GRID2: variants seen among roughly 807,000 people sequenced by gnomAD.
GRID2 encodes glutamate ionotropic receptor delta type subunit 2, also known as glutamate receptor ionotropic, delta-2.
Under a neutral mutation model 114.8 loss-of-function variants are expected in GRID2, and 33 were observed. The observed-to-expected ratio is 0.29, with a 90% confidence interval of 0.22 to 0.38. The LOEUF (loss-of-function observed/expected upper bound fraction) is 0.38, where lower values mean the gene tolerates loss of function less well. GRID2 is among the 10% of genes least tolerant of loss of function. The pLI is 1.00. For missense variants in GRID2, 1,184 were observed against 1,257.7 expected, an observed-to-expected ratio of 0.94 and a Z score of 0.89; for synonymous variants, 505 against 449.9, an observed-to-expected ratio of 1.12 and a Z score of -1.55.
At position 93,069,099 on chromosome 4, in the gene GRID2, A is replaced by T. The variant is rs1216998459; in HGVS notation, c.245-15896A>T. 2.6e-5 allele frequency among the ~76,000 whole-genome samples: 4 copies of T among 152,030 alleles called. No homozygotes were observed. In the East Asian group the frequency reaches 7.8e-4, roughly 30 times the overall value. On this transcript the variant is annotated intron_variant, in intron 2 of 15. Coordinates refer to ENST00000282020, the MANE Select transcript of GRID2 (RefSeq NM_001510.4). ...ACAAGGACAGTATCGGGGGGCTGGT[A>T]CTAACCCATTCATGAGAAGCCACCA...
At chr4:92,955,623 A>G (rs1415525707) in intron 2 of GRID2, among the ~76,000 whole-genome samples, 5 of 152,108 alleles carry the variant, frequency 3.3e-5, no homozygotes, top group Non-Finnish European at 7.3e-5. Flanking sequence ...TAGTTTAATT[A>G]GACCCCATTT....
At chr4:93,255,446 T>C (rs1189068618) in intron 8 of GRID2, among the ~76,000 whole-genome samples, 1 of 152,146 alleles carries the variant, frequency 6.6e-6, no homozygotes, top group Non-Finnish European at 1.5e-5. Context: ...GTTTTGTTTT[T>C]GTTTTTCATG....
Position 92,385,908 on chromosome 4 carries a change from A to G in GRID2, c.88+81164A>G, listed in dbSNP as rs572297982. On this transcript the variant is annotated intron_variant, in intron 1 of 15. Coordinates refer to ENST00000282020, the MANE Select transcript of GRID2 (RefSeq NM_001510.4). ...TGTGTGTGTGTGTGTGTGTATATAT[A>G]TATATATATATATATATGAAATACA... 3.7e-3 allele frequency among the ~76,000 whole-genome samples: 548 copies of G among 147,976 alleles called. 2 individuals carry two copies. The highest frequency in any genetic ancestry group is 0.012 in the African/African-American group (506 of 40,626).
intron 1 of GRID2, among the ~76,000 whole-genome samples, chr4:92,432,215 C>G (rs1481437738): frequency 6.6e-6 from 1 of 152,092 alleles, no homozygotes; most frequent in Non-Finnish European, 1.5e-5. Context: ...AGTATTGGGT[C>G]TCTCCTAAGG....
chr4:92,920,771 AC>A (rs1341181657), intron 2 of GRID2, among the ~76,000 whole-genome samples: 1 of 152,026 alleles, frequency 6.6e-6, no homozygotes, highest in African/African-American at 2.4e-5. Flanking sequence ...CTCTCTGGCT[AC>A]CCTTAACATT....
intron 2 of GRID2, among the ~76,000 whole-genome samples, chr4:92,734,849 G>C (rs1306793308): frequency 1.3e-5 from 2 of 149,892 alleles, no homozygotes; most frequent in African/African-American, 4.9e-5. Context: ...TGCAATCATG[G>C]CTCAGTGCAG....
At chr4:92,694,761 A>G (rs1448679037) in intron 2 of GRID2, among the ~76,000 whole-genome samples, 4 of 152,124 alleles carry the variant, frequency 2.6e-5, no homozygotes, top group African/African-American at 7.2e-5. Flanking sequence ...TGCATATCTT[A>G]TTTTAATTGG....
chr4:93,138,060 C>T (rs1168816964), intron 4 of GRID2, among the ~76,000 whole-genome samples: 1 of 147,124 alleles, frequency 6.8e-6, no homozygotes, highest in Non-Finnish European at 1.5e-5. Flanking sequence ...GCAACTTCCA[C>T]CTCCCGTGCT....
intron 8 of GRID2, among the ~76,000 whole-genome samples, chr4:93,308,418 G>GT (rs1355104501): frequency 2.0e-5 from 3 of 152,192 alleles, no homozygotes; most frequent in South Asian, 2.1e-4. Context: ...TAAAACAGCA[G>GT]TTTTTTCTGA....
intron 2 of GRID2, among the ~76,000 whole-genome samples, chr4:93,079,591 G>C (rs1272417301): frequency 6.6e-6 from 1 of 151,950 alleles, no homozygotes; most frequent in Non-Finnish European, 1.5e-5. Flanking sequence ...TAGTGTTACA[G>C]ATTCACTAGT....
intron 2 of GRID2, among the ~76,000 whole-genome samples, chr4:92,742,819 C>T (rs994740786): frequency 2.0e-5 from 3 of 152,070 alleles, no homozygotes; most frequent in African/African-American, 7.2e-5. Context: ...GAACCTCTCT[C>T]TAGGAAATAA....
At chr4:92,917,291 T>A (rs1175352049) in intron 2 of GRID2, among the ~76,000 whole-genome samples, 1 of 152,162 alleles carries the variant, frequency 6.6e-6, no homozygotes, top group Non-Finnish European at 1.5e-5. Flanking sequence ...TTGCAAAAAT[T>A]TTCTCCCATT....
At chr4:93,190,173 C>T (rs963894427) in intron 4 of GRID2, among the ~76,000 whole-genome samples, 3 of 151,988 alleles carry the variant, frequency 2.0e-5, no homozygotes, top group Non-Finnish European at 4.4e-5. Flanking sequence ...AGGGAACTAA[C>T]ACTTTTGTTT....
At chr4:92,569,565 T>C (rs1447089892) in intron 1 of GRID2, among the ~76,000 whole-genome samples, 5 of 152,058 alleles carry the variant, frequency 3.3e-5, no homozygotes, top group Non-Finnish European at 7.4e-5. Context: ...TCCACAAGGG[T>C]TGCACTAACT....
At chr4:93,795,648 G>T (rs1734781446) in intron 1 of GRID2, among the ~76,000 whole-genome samples, 1 of 152,044 alleles carries the variant, frequency 6.6e-6, no homozygotes, top group South Asian at 2.1e-4. Context: ...TACCACTCTT[G>T]TAAACAGGTG....
intron 13 of GRID2, among the ~76,000 whole-genome samples, chr4:93,525,475 A>C (rs1730793315): frequency 6.6e-6 from 1 of 152,182 alleles, no homozygotes. Flanking sequence ...TTGGACATTA[A>C]TATAATAATT....
intron 2 of GRID2, among the ~76,000 whole-genome samples, chr4:92,618,716 C>A (rs182842615): frequency 3.3e-4 from 50 of 151,754 alleles, no homozygotes; most frequent in Middle Eastern, 6.8e-3. Flanking sequence ...GATCATTCAT[C>A]TCCTTGGCCA....
intron 6 of GRID2, 75 bp from the exon 7 acceptor site, chr4:93,224,539 G>A: frequency 4.3e-6 from 4 of 920,486 alleles, no homozygotes; most frequent in Middle Eastern, 3.2e-4. Context: ...AAGCAGTTGA[G>A]ACAATTATTT....
chr4:92,747,786 A>G (rs148013170), intron 2 of GRID2, among the ~76,000 whole-genome samples: 78 of 152,268 alleles, frequency 5.1e-4, no homozygotes, highest in African/African-American at 1.8e-3. Flanking sequence ...ATTAAGCCAT[A>G]CTTCCAGGTA....
Sources: allele counts gnomAD v4.1 joint callset (sites outside exome capture counted in the v4.1 genomes callset), GRCh38; gene constraint gnomAD v4.1.1; transcripts MANE v1.5; gene names NCBI Gene and HGNC (gene_info 2026-07-23, HGNC 2026-07-21).